ATN1: variants seen among roughly 807,000 people sequenced by gnomAD.
The protein encoded by ATN1 is atrophin 1.
Under a neutral mutation model 85.8 loss-of-function variants are expected in ATN1, and 19 were observed. The ratio of observed to expected loss-of-function variants is 0.22; its 90% confidence interval spans 0.15 to 0.32. The LOEUF (loss-of-function observed/expected upper bound fraction) is 0.32, where lower values mean the gene tolerates loss of function less well. Among genes scored for constraint, ATN1 ranks in the 10% least tolerant of loss-of-function variants. ATN1 has a pLI of 1.00. For synonymous variants in ATN1, 674 were observed against 657.0 expected (o/e 1.03, Z -0.39); for missense variants, 1,453 against 1,564.5 (o/e 0.93, Z 1.20).
At chr12:6,938,153 G>T in intron 6 of ATN1, 86 bp downstream of exon 6, 10 of 1,450,890 alleles carry the variant, frequency 6.9e-6, no homozygotes, top group Non-Finnish European at 9.0e-6. Flanking sequence ...CTACGCTGCG[G>T]GGCTGTGGCT....
chr12:6,928,557 C>T (rs1945425515), intron 1 of ATN1, among the ~76,000 whole-genome samples, 173 bp downstream of exon 1: 1 of 151,566 alleles, frequency 6.6e-6, no homozygotes, highest in African/African-American at 2.4e-5. Flanking sequence ...GCCTGAGGGC[C>T]GGGGGCTCAG....
At chr12:6,929,288 CG>C (rs1477126532) in intron 1 of ATN1, among the ~76,000 whole-genome samples, 5 of 152,264 alleles carry the variant, frequency 3.3e-5, no homozygotes, top group Non-Finnish European at 7.4e-5. Flanking sequence ...CCGGAGCGTC[CG>C]CTGCCCCTGG....
In ATN1 at chr12:6,935,801, G is replaced by A; in HGVS notation, c.534G>A (p.Gln178=). ...SPQPPDSTPR[Q]PEASFEPHPS... ...AACCGCCAGACAGCACCCCTCGACA[G>A]CCAGAGGCTAGCTTTGAACCCCATC... The change falls in exon 5 of 10, where the codon CAG becomes CAA. Residue 178 remains glutamine, a synonymous_variant. Coordinates refer to ENST00000396684, the MANE Select transcript of ATN1 (RefSeq NM_001940.4). This position sits in a 1 kb window ranked among gnomAD's most constrained non-coding sequence, Gnocchi z 5.3. 1 of 1,613,696 alleles carries A rather than the reference G, an allele frequency of 6.2e-7. No individual in the cohort carries two copies. The highest frequency in any genetic ancestry group is 8.5e-7 in the Non-Finnish European group (1 of 1,179,818).
chr12:6,938,034 G>GCGCGAGCGGGAA lies in ATN1; in HGVS notation c.2490_2491insCGGGAACGCGAG (p.Arg827_Glu830dup). Reference sequence around the variant, plus strand: ...AGCGGGAACGCGAGAAAGAGCGCGAGCGCGAGAAGGAGCGCGAGCTTGAAC... The same window carrying GCGCGAGCGGGAA: ...AGCGGGAACGCGAGAAAGAGCGCGAGCGCGAGCGGGAACGCGAGAAGGAGCGCGAGCTTGAAC... On this transcript the variant is annotated inframe_insertion, in exon 6 of 10. Coordinates refer to ENST00000396684, the MANE Select transcript of ATN1 (RefSeq NM_001940.4). The GCGCGAGCGGGAA allele has an allele frequency of 6.5e-7, 1 of 1,545,398 alleles. No individual in the cohort carries two copies. The highest frequency in any genetic ancestry group is 8.7e-7 in the Non-Finnish European group (1 of 1,146,100).
In ATN1 at chr12:6,936,136, C is replaced by A; in HGVS notation, c.869C>A (p.Pro290Gln). The A allele has an allele frequency of 1.3e-6, 2 of 1,532,210 alleles. No individual in the cohort carries two copies. The highest frequency in any genetic ancestry group is 1.8e-6 in the Non-Finnish European group (2 of 1,140,614). The allele number at this position is 1,532,210 out of a possible 1,614,324, so 94.9% of individuals were successfully genotyped here. The change falls in exon 5 of 10, where the codon CCA becomes CAA. Residue 290 changes from proline (P) to glutamine (Q), a missense_variant. Pro to Gln is a moderately conservative substitution (Grantham distance 76). Transcript: ENST00000396684. ...VGGGNLPSAP[P>Q]PANFPHVTPN... ...GGTGGGAACCTACCTTCTGCTCCAC[C>A]ACCAGCCAACTTCCCCCATGTGACA...
chr12:6,935,575 C>G lies in ATN1; in HGVS notation c.308C>G (p.Ser103Cys), dbSNP rs1555143442. 1.2e-6 allele frequency: 2 copies of G among 1,613,428 alleles called. No individual in the cohort carries two copies. Among genetic ancestry groups the G allele is most frequent in the East Asian group, 4.5e-5 (2 of 44,858 alleles). Residue 103 changes from serine to cysteine, a missense_variant, in exon 5 of 10, where the codon TCC becomes TGC. Physicochemically the swap from Ser to Cys is moderately radical, Grantham distance 112. Coordinates refer to ENST00000396684, the MANE Select transcript of ATN1 (RefSeq NM_001940.4). This position sits in a 1 kb window ranked among gnomAD's most constrained non-coding sequence, Gnocchi z 5.3. ...EQELPRPQSP[S>C]DLDSLDGRSL... ...GAACTCCCTCGGCCACAGTCTCCCTCCGATCTGGATAGCTTGGACGGGCGG... is the reference window on the plus strand; with the variant it reads ...GAACTCCCTCGGCCACAGTCTCCCTGCGATCTGGATAGCTTGGACGGGCGG...
rs1555143666 is a variant in ATN1, at chr12:6,936,423, T to C, written c.1156T>C (p.Ser386Pro). 6.2e-7 allele frequency: 1 copy of C among 1,612,706 alleles called. No individual in the cohort carries two copies. The highest frequency in any genetic ancestry group is 8.5e-7 in the Non-Finnish European group (1 of 1,179,748). ...CTCTAGTAGTAGCTCTGCAGCAGCC[T>C]CCTCTTCCAGTTCTTCCTCCTCTTC... is the stretch of plus-strand genomic sequence containing the variant. ...SSSSSSSAAA[S>P]SSSSSSSSSA... Residue 386 changes from serine (S) to proline (P), a missense_variant, in exon 5 of 10, where the codon TCC (serine) becomes CCC (proline). Around this residue, in one of 6 missense-constraint regions of ATN1, gnomAD observed 990 missense variants for 914.8 expected, o/e 1.08. Coordinates refer to ENST00000396684, the MANE Select transcript of ATN1 (RefSeq NM_001940.4).
At position 6,928,002 on chromosome 12, in the gene ATN1, G is replaced by A. The variant is rs1555142760; in HGVS notation, c.-545G>A. The stretch of plus-strand genomic sequence containing the variant: ...GCCCGGGATCGCGCGGGTGCGGGCT[G>A]CGCTAGGCGGGCGCGGGCGGCGGCG... On this transcript the variant is annotated 5_prime_UTR_variant, in exon 1 of 10. Coordinates refer to ENST00000396684, the MANE Select transcript of ATN1 (RefSeq NM_001940.4). Among the ~76,000 whole-genome samples, 2 of 145,440 alleles carry A rather than the reference G, an allele frequency of 1.4e-5. No homozygotes were observed. Among genetic ancestry groups the A allele is most frequent in the African/African-American group, 5.0e-5 (2 of 40,250 alleles).
rs781801817 is a variant in ATN1, at chr12:6,939,216, A to G, written c.3214+39A>G. 1.9e-6 allele frequency: 3 copies of G among 1,551,100 alleles called. No homozygotes were observed. In the South Asian group the frequency reaches 3.5e-5, roughly 18 times the overall value. Reference sequence around the variant, plus strand: ...TTCCTTGCCCTGGCCCTTTGGGGCCACCTTCCCCCTATCATGACTGGGCTC... The same window carrying G: ...TTCCTTGCCCTGGCCCTTTGGGGCCGCCTTCCCCCTATCATGACTGGGCTC... On this transcript the variant is annotated intron_variant, in intron 7 of 9. Coordinates refer to ENST00000396684, the MANE Select transcript of ATN1 (RefSeq NM_001940.4).
In ATN1 at chr12:6,937,885, C is replaced by T. The variant is rs1555144072; in HGVS notation, c.2335C>T (p.Arg779Cys). 6.3e-7 allele frequency: 1 copy of T among 1,592,240 alleles called. No individual in the cohort carries two copies. Among genetic ancestry groups the T allele is most frequent in the Non-Finnish European group, 8.5e-7 (1 of 1,170,350 alleles). Residue 779 changes from arginine (R) to cysteine (C), a missense_variant, in exon 6 of 10, where the codon CGC (arginine) becomes TGC (cysteine). Around this residue, in one of 6 missense-constraint regions of ATN1, gnomAD observed 990 missense variants for 914.8 expected, o/e 1.08. Transcript: ENST00000396684. The surrounding 1 kb of genome is among the most constrained non-coding windows in gnomAD (Gnocchi z 6.0). ...HLDRGFNSCARSDLYFVPLEG... is the reference protein window; with the variant it reads ...HLDRGFNSCACSDLYFVPLEG... ...GGATCGCGGCTTCAACTCGTGCGCG[C>T]GCAGCGACCTGTACTTCGTGCCACT... is the stretch of plus-strand genomic sequence containing the variant.
At chr12:6,938,321 A>C (rs1945581344) in intron 6 of ATN1, among the ~76,000 whole-genome samples, 160 bp from the exon 7 acceptor site, 1 of 152,236 alleles carries the variant, frequency 6.6e-6, no homozygotes, top group Non-Finnish European at 1.5e-5. Flanking sequence ...AAGAAGGGCA[A>C]ATATTCGGGA....
intron 7 of ATN1, among the ~76,000 whole-genome samples, chr12:6,939,712 T>C (rs1022188955): frequency 3.4e-4 from 52 of 151,938 alleles, no homozygotes; most frequent in African/African-American, 1.1e-3. Flanking sequence ...ATGTTGGCCA[T>C]GGCTGGTCTC....
Position 6,940,920 on chromosome 12 carries a change from A to G in ATN1, c.3255A>G (p.Ser1085=), listed in dbSNP as rs782061311. The G allele has an allele frequency of 1.2e-5, 20 of 1,613,976 alleles. No homozygotes were observed. The Middle Eastern group carries it at 4.9e-4, about 40-fold the overall frequency. The change falls in exon 8 of 10, where the codon TCA becomes TCG. Residue 1085 remains serine, a synonymous_variant. Coordinates refer to ENST00000396684, the MANE Select transcript of ATN1 (RefSeq NM_001940.4). ...SVHPLIDPLA[S]GSHLTRIPYP... Reference sequence around the variant, plus strand: ...ACCCTCTCATTGACCCCCTGGCCTCAGGGTCTCACCTTACCCGGATCCCCT... The same window carrying G: ...ACCCTCTCATTGACCCCCTGGCCTCGGGGTCTCACCTTACCCGGATCCCCT...
rs1049726950 is a variant in ATN1, at chr12:6,939,252, A to G, written c.3214+75A>G. On this transcript the variant is annotated intron_variant, in intron 7 of 9. Coordinates refer to ENST00000396684, the MANE Select transcript of ATN1 (RefSeq NM_001940.4). ...ATCATGACTGGGCTCTTTCATTCCTATGGCCAAGACTTTCCTCCCCTGGCC... is the reference window on the plus strand; with the variant it reads ...ATCATGACTGGGCTCTTTCATTCCTGTGGCCAAGACTTTCCTCCCCTGGCC... The G allele has an allele frequency of 4.2e-5, 63 of 1,485,240 alleles. No individual in the cohort carries two copies. The Middle Eastern group carries it at 1.4e-3, about 33-fold the overall frequency. 92.0% of individuals were successfully genotyped at this position (1,485,240 alleles called of 1,614,324 possible). A position where few individuals can be genotyped will look rare whatever the true frequency, so the allele number is the denominator to read the frequency against.
Position 6,935,857 on chromosome 12 carries a change from C to A in ATN1, c.590C>A (p.Pro197His). Residue 197 changes from proline (P) to histidine (H), a missense_variant, in exon 5 of 10, where the codon CCC becomes CAC. Transcript: ENST00000396684. This position sits in a 1 kb window ranked among gnomAD's most constrained non-coding sequence, Gnocchi z 5.3. ...GTGACACCCACTGGATATCATGCTC[C>A]CATGGAGCCCCCCACATCTCGAATG... ...PSVTPTGYHA[P>H]MEPPTSRMFQ... is the part of the protein sequence containing the mutation. The A allele has an allele frequency of 6.2e-7, 1 of 1,613,936 alleles. No homozygotes were observed. The highest frequency in any genetic ancestry group is 2.2e-5 in the East Asian group (1 of 44,886).
At position 6,937,283 on chromosome 12, in the gene ATN1, C is replaced by T; in HGVS notation, c.2016C>T (p.Gly672=). 1.2e-6 allele frequency: 2 copies of T among 1,605,148 alleles called. No individual in the cohort carries two copies. Among genetic ancestry groups the T allele is most frequent in the Non-Finnish European group, 1.7e-6 (2 of 1,176,728 alleles). ...PPSFRTGTPP[G]YRGTSPPAGP... ...CCTTCCGAACGGGGACCCCACCGGG[C>T]TATCGAGGAACCTCGCCACCTGCAG... is the stretch of plus-strand genomic sequence containing the variant. Residue 672 remains glycine (G), a synonymous_variant, in exon 5 of 10, where the codon GGC becomes GGT. Coordinates refer to ENST00000396684, the MANE Select transcript of ATN1 (RefSeq NM_001940.4). The surrounding 1 kb of genome is among the most constrained non-coding windows in gnomAD (Gnocchi z 6.0).
upstream of ATN1, among the ~76,000 whole-genome samples, chr12:6,925,688 C>CAAAA (rs1945392785): frequency 6.6e-6 from 1 of 152,218 alleles, no homozygotes; most frequent in Non-Finnish European, 1.5e-5. Context: ...GCTCTGGAAT[C>CAAAA]TTGTTTAGAG....
chr12:6,935,950 T>C lies in ATN1; in HGVS notation c.683T>C (p.Leu228Ser). ...QLYPGGTGGV[L>S]SGPPMGPKGG... is the part of the protein sequence containing the mutation. ...TATCCTGGGGGCACTGGTGGAGTTT[T>C]GTCTGGACCCCCAATGGGTCCCAAG... Residue 228 changes from leucine to serine, a missense_variant, in exon 5 of 10, where the codon TTG becomes TCG. By Grantham distance (145) the Leu-to-Ser change is moderately radical. Coordinates refer to ENST00000396684, the MANE Select transcript of ATN1 (RefSeq NM_001940.4). The surrounding 1 kb of genome is among the most constrained non-coding windows in gnomAD (Gnocchi z 5.3). 1 of 1,594,782 alleles carries C rather than the reference T, an allele frequency of 6.3e-7. No individual in the cohort carries two copies. Among genetic ancestry groups the C allele is most frequent in the Non-Finnish European group, 8.6e-7 (1 of 1,169,390 alleles).
intron 7 of ATN1, 110 bp downstream of exon 7, chr12:6,939,287 C>A: frequency 2.1e-6 from 3 of 1,409,936 alleles, no homozygotes; most frequent in Non-Finnish European, 2.8e-6. Context: ...CTGGCATGAA[C>A]CTTTCCTGAG....
Sources: allele counts gnomAD v4.1 joint callset (sites outside exome capture counted in the v4.1 genomes callset), GRCh38; gene constraint gnomAD v4.1.1; regional missense constraint gnomAD v4.1.1; non-coding constraint Gnocchi (gnomAD v3.1); transcripts MANE v1.5; gene names NCBI Gene and HGNC (gene_info 2026-07-23, HGNC 2026-07-21).